ACOT13: variants seen among roughly 807,000 people sequenced by gnomAD.
The protein encoded by ACOT13 is acyl-CoA thioesterase 13, also known as acyl-coenzyme A thioesterase 13.
ACOT13 carries 10 observed loss-of-function variants against 11.8 expected under a neutral mutation model. The observed-to-expected ratio is 0.85, with a 90% CI of 0.53 to 1.44. ACOT13 has a LOEUF of 1.44. Ranked by LOEUF, ACOT13 falls within the 40% of genes most tolerant of loss-of-function variation. The pLI, the probability that ACOT13 is intolerant of heterozygous loss-of-function variation, is 0.00. For missense variants in ACOT13, 172 were observed against 174.1 expected, an observed-to-expected ratio of 0.99 and a Z score of 0.07; for synonymous variants, 53 against 61.0, an observed-to-expected ratio of 0.87 and a Z score of 0.61.
At chr6:24,682,660 T>TGGCG (rs1778571888) in intron 1 of ACOT13, among the ~76,000 whole-genome samples, 1 of 150,164 alleles carries the variant, frequency 6.7e-6, no homozygotes, top group South Asian at 2.1e-4. Flanking sequence ...TGGGAGTCAG[T>TGGCG]GGTGGGTCTG....
rs116488933 is a variant in ACOT13 at position 24,670,201 on chromosome 6, G to T, written c.81+2857G>T. On this transcript the variant is annotated intron_variant, in intron 1 of 2. Coordinates refer to ENST00000230048, the MANE Select transcript of ACOT13 (RefSeq NM_018473.4). ...TTTGACCAGATTATTTATATAAAGTGTAGCAAGAATAATTATTTTTCACAT... is the reference window on the plus strand; with the variant it reads ...TTTGACCAGATTATTTATATAAAGTTTAGCAAGAATAATTATTTTTCACAT... Among the ~76,000 whole-genome samples, 576 of 152,288 alleles carry T rather than the reference G, an allele frequency of 3.8e-3. 2 individuals carry two copies. The highest frequency in any genetic ancestry group is 6.4e-3 in the Non-Finnish European group (432 of 68,026).
chr6:24,686,896 C>T (rs1227006222), intron 1 of ACOT13, among the ~76,000 whole-genome samples: 1 of 152,026 alleles, frequency 6.6e-6, no homozygotes, highest in Non-Finnish European at 1.5e-5. Flanking sequence ...AAAAACAGGC[C>T]TCACTTTGTT....
chr6:24,692,233 G>A (rs1778728105), intron 1 of ACOT13, among the ~76,000 whole-genome samples: 1 of 152,142 alleles, frequency 6.6e-6, no homozygotes, highest in Admixed American at 6.6e-5. Context: ...GCTAGGAAAA[G>A]TTCACGACGT....
intron 1 of ACOT13, among the ~76,000 whole-genome samples, chr6:24,671,296 G>A (rs1778360604): frequency 6.6e-6 from 1 of 152,168 alleles, no homozygotes; most frequent in African/African-American, 2.4e-5. Flanking sequence ...AAAAGGATGA[G>A]TTCATGTCCT....
chr6:24,682,750 C>T (rs1778573921), intron 1 of ACOT13, among the ~76,000 whole-genome samples: 1 of 151,976 alleles, frequency 6.6e-6, no homozygotes, highest in South Asian at 2.1e-4. Flanking sequence ...CAGCTCGAGC[C>T]ATAACAAACA....
In ACOT13 at chr6:24,667,119, C is replaced by T. The variant is rs568522581; in HGVS notation, c.-145C>T. ...CCACCGGGGCTGCCAGCTCGCCTGACTCCCGGCCTCTTGCGCTCCTAGGGG... is the reference window on the plus strand; with the variant it reads ...CCACCGGGGCTGCCAGCTCGCCTGATTCCCGGCCTCTTGCGCTCCTAGGGG... On this transcript the variant is annotated 5_prime_UTR_variant, in exon 1 of 3. Coordinates refer to ENST00000230048, the MANE Select transcript of ACOT13 (RefSeq NM_018473.4). The T allele has an allele frequency of 2.2e-6, 2 of 911,950 alleles. No individual in the cohort carries two copies. The highest frequency in any genetic ancestry group is 1.7e-5 in the South Asian group (1 of 59,972). The allele number at this position is 911,950 out of a possible 1,614,324, so 56.5% of individuals were successfully genotyped here. A position where few individuals can be genotyped will look rare whatever the true frequency, so the allele number is the denominator to read the frequency against.
intron 1 of ACOT13, among the ~76,000 whole-genome samples, chr6:24,680,853 G>A (rs1778536615): frequency 6.6e-6 from 1 of 152,164 alleles, no homozygotes; most frequent in African/African-American, 2.4e-5. Context: ...TGTAAGTATG[G>A]GCTTGGCTGA....
intron 1 of ACOT13, among the ~76,000 whole-genome samples, chr6:24,685,332 C>CTTTTTTTTTTTTTTTT (rs563020332): frequency 1.1e-4 from 13 of 116,784 alleles, no homozygotes; most frequent in South Asian, 2.8e-4. Context: ...TTTTACTGTA[C>CTTTTTTTTTTTTTTTT]TTTTTTTTTT....
chr6:24,679,873 G>C (rs1189139825), intron 1 of ACOT13, among the ~76,000 whole-genome samples: 2 of 152,130 alleles, frequency 1.3e-5, no homozygotes, highest in Non-Finnish European at 2.9e-5. Context: ...AATTTACCTA[G>C]GTCTATTTTA....
chr6:24,675,949 C>T (rs1282781310), intron 1 of ACOT13, among the ~76,000 whole-genome samples: 3 of 152,178 alleles, frequency 2.0e-5, no homozygotes, highest in Non-Finnish European at 4.4e-5. Context: ...ATATGGCTAA[C>T]CTGTTTTCCC....
rs1778819960 is a variant in ACOT13 at position 24,697,871 on chromosome 6, T to C, written c.82-12T>C. 3.8e-6 allele frequency: 6 copies of C among 1,580,482 alleles called. No homozygotes were observed. Among genetic ancestry groups the C allele is most frequent in the Non-Finnish European group, 5.1e-6 (6 of 1,165,224 alleles). ...CAGAATTAATGTTCAGGATTCTTTTTTTTACACTTAGATTACTCTTGTCTC... is the reference window on the plus strand; with the variant it reads ...CAGAATTAATGTTCAGGATTCTTTTCTTTACACTTAGATTACTCTTGTCTC... On this transcript the variant is annotated splice_polypyrimidine_tract_variant and intron_variant, in intron 1 of 2. Coordinates refer to ENST00000230048, the MANE Select transcript of ACOT13 (RefSeq NM_018473.4).
intron 1 of ACOT13, among the ~76,000 whole-genome samples, chr6:24,677,409 G>A (rs1365008508): frequency 1.3e-5 from 2 of 152,196 alleles, no homozygotes; most frequent in South Asian, 2.1e-4. Context: ...TGTTCACACA[G>A]TAAGATCTCT....
At chr6:24,695,404 C>T (rs1360736054) in intron 1 of ACOT13, among the ~76,000 whole-genome samples, 1 of 152,212 alleles carries the variant, frequency 6.6e-6, no homozygotes, top group Non-Finnish European at 1.5e-5. Context: ...GGCTTTTTCC[C>T]TTATCTTCAC....
intron 1 of ACOT13, among the ~76,000 whole-genome samples, chr6:24,688,736 T>G (rs1046177369): frequency 2.0e-5 from 3 of 152,212 alleles, no homozygotes; most frequent in Admixed American, 6.5e-5. Context: ...TTCAATTGTT[T>G]ATTTTTAAAA....
intron 1 of ACOT13, among the ~76,000 whole-genome samples, chr6:24,673,649 C>A (rs185931191): frequency 9.9e-5 from 15 of 152,280 alleles, no homozygotes; most frequent in African/African-American, 3.4e-4. Context: ...GCAGAAGCCA[C>A]CATTCGTAGG....
chr6:24,670,739 T>C (rs1158995921), intron 1 of ACOT13, among the ~76,000 whole-genome samples: 1 of 152,172 alleles, frequency 6.6e-6, no homozygotes, highest in Non-Finnish European at 1.5e-5. Flanking sequence ...TGTTAAAAGC[T>C]GTCAATAGCT....
intron 2 of ACOT13, among the ~76,000 whole-genome samples, chr6:24,700,706 G>A (rs982334610): frequency 6.6e-6 from 1 of 152,022 alleles, no homozygotes; most frequent in African/African-American, 2.4e-5. Flanking sequence ...AAAGTGCTGG[G>A]ATTACAGGCT....
intron 1 of ACOT13, among the ~76,000 whole-genome samples, chr6:24,684,952 C>A (rs1394531813): frequency 1.3e-5 from 2 of 152,182 alleles, no homozygotes; most frequent in Non-Finnish European, 2.9e-5. Flanking sequence ...TTCAAGGCTG[C>A]AGTGAGCTAT....
intron 1 of ACOT13, among the ~76,000 whole-genome samples, chr6:24,668,918 G>A (rs1255673259): frequency 3.3e-5 from 5 of 152,190 alleles, no homozygotes; most frequent in African/African-American, 1.2e-4. Context: ...TTTGGAAAGG[G>A]AGAAGCCTCT....
Sources: allele counts gnomAD v4.1 joint callset (sites outside exome capture counted in the v4.1 genomes callset), GRCh38; gene constraint gnomAD v4.1.1; transcripts MANE v1.5; gene names NCBI Gene and HGNC (gene_info 2026-07-23, HGNC 2026-07-21).